Variants in ADTRP observed in about 807,000 individuals in gnomAD.
ADTRP encodes androgen dependent TFPI regulating protein, also known as androgen-dependent TFPI-regulating protein.
ADTRP carries 20 observed loss-of-function variants against 27.0 expected under a neutral mutation model. That is an observed-to-expected ratio of 0.74 (90% CI 0.52 to 1.08). ADTRP has a LOEUF of 1.08. Ranked by LOEUF, ADTRP falls within the 50% of genes least tolerant of loss-of-function variation. The pLI is 0.00. For synonymous variants in ADTRP, 101 were observed against 105.2 expected, an observed-to-expected ratio of 0.96 and a Z score of 0.25; for missense variants, 251 against 275.0, an observed-to-expected ratio of 0.91 and a Z score of 0.62.
rs369155641 is a variant in ADTRP at position 11,764,602 on chromosome 6, T to C, written c.390+1672A>G. Among the ~76,000 whole-genome samples, 5 of 151,678 alleles carry C rather than the reference T, an allele frequency of 3.3e-5. No individual in the cohort carries two copies. In the East Asian group the frequency reaches 5.8e-4, roughly 18 times the overall value. On this transcript the variant is annotated intron_variant, in intron 3 of 5. Coordinates refer to ENST00000414691, the MANE Select transcript of ADTRP (RefSeq NM_032744.4). Reference sequence around the variant, plus strand: ...GCTGTATTGATCAAGCAAAGCGAGGTCCTTTTGATTGCCTGGTGAATTAGG... The same window carrying C: ...GCTGTATTGATCAAGCAAAGCGAGGCCCTTTTGATTGCCTGGTGAATTAGG...
chr6:11,765,368 C>A (rs1240203295), intron 3 of ADTRP, among the ~76,000 whole-genome samples: 1 of 121,416 alleles, frequency 8.2e-6, no homozygotes, highest in African/African-American at 3.0e-5. Context: ...ACTCTTGTTG[C>A]CCAGGCTGAA....
In ADTRP at chr6:11,713,604, G is replaced by T. The variant is rs1227442124; in HGVS notation, c.*874C>A. 1 of 152,206 alleles carries T rather than the reference G, an allele frequency of 6.6e-6. No individual in the cohort carries two copies. Among genetic ancestry groups the T allele is most frequent in the Admixed American group, 6.5e-5 (1 of 15,284 alleles). 9.4% of individuals were successfully genotyped at this position (152,206 alleles called of 1,614,324 possible). The stretch of plus-strand genomic sequence containing the variant: ...ACACACTAATTCAGAAAAGTGCTTT[G>T]TAGCAAAGCAATCTCAACAGCCCTT... On this transcript the variant is annotated 3_prime_UTR_variant, in exon 6 of 6. Coordinates refer to ENST00000414691, the MANE Select transcript of ADTRP (RefSeq NM_032744.4).
At chr6:11,775,572 A>T (rs1763928526) in intron 1 of ADTRP, among the ~76,000 whole-genome samples, 1 of 152,004 alleles carries the variant, frequency 6.6e-6, no homozygotes, top group Admixed American at 6.6e-5. Context: ...TTACTCTCTT[A>T]TTAGGCAGAG....
intron 5 of ADTRP, among the ~76,000 whole-genome samples, chr6:11,719,041 G>T (rs1012370386): frequency 1.3e-5 from 2 of 152,240 alleles, no homozygotes; most frequent in Non-Finnish European, 2.9e-5. Context: ...GGCACAGGAG[G>T]AGGGAGAAAG....
intron 3 of ADTRP, among the ~76,000 whole-genome samples, chr6:11,750,797 GAA>G (rs1259542614): frequency 1.3e-5 from 2 of 152,166 alleles, no homozygotes; most frequent in Non-Finnish European, 2.9e-5. Context: ...ATTTTCCTCT[GAA>G]ATGTACTCTG....
chr6:11,758,260 G>A (rs761188492), intron 3 of ADTRP, among the ~76,000 whole-genome samples: 24 of 152,054 alleles, frequency 1.6e-4, no homozygotes, highest in Middle Eastern at 3.2e-3. Context: ...TAGGCCAAAT[G>A]GTGCCCACTC....
chr6:11,717,306 C>T (rs1761864552), intron 5 of ADTRP: 3 of 1,303,870 alleles, frequency 2.3e-6, no homozygotes, highest in East Asian at 5.5e-5. Flanking sequence ...CCTGATATTT[C>T]ACCTGATATT....
At chr6:11,715,107 CT>C (rs1406665476) in intron 5 of ADTRP, among the ~76,000 whole-genome samples, 1 of 152,178 alleles carries the variant, frequency 6.6e-6, no homozygotes, top group Non-Finnish European at 1.5e-5. Context: ...GATCATAAAT[CT>C]TTGTGTAAGC....
chr6:11,723,037 G>C (rs1350288562), intron 5 of ADTRP, among the ~76,000 whole-genome samples: 1 of 152,130 alleles, frequency 6.6e-6, no homozygotes, highest in Non-Finnish European at 1.5e-5. Flanking sequence ...TTCATGCTAG[G>C]GATGGTAATA....
chr6:11,762,404 A>C (rs972874002), intron 3 of ADTRP, among the ~76,000 whole-genome samples: 7 of 152,238 alleles, frequency 4.6e-5, no homozygotes, highest in Non-Finnish European at 8.8e-5. Context: ...TAGATGTCAA[A>C]ACCCTCAATA....
intron 1 of ADTRP, among the ~76,000 whole-genome samples, chr6:11,768,979 G>A (rs927024205): frequency 1.3e-5 from 2 of 152,062 alleles, no homozygotes; most frequent in Admixed American, 6.6e-5. Context: ...ATCTGGCCGT[G>A]GCAGCAATTT....
At chr6:11,768,811 C>A (rs1432535515) in intron 1 of ADTRP, among the ~76,000 whole-genome samples, 3 of 152,068 alleles carry the variant, frequency 2.0e-5, no homozygotes, top group African/African-American at 4.8e-5. Context: ...ATGCCTAGTG[C>A]TGAAATCTCA....
At chr6:11,765,318 G>GTTTTTTTTT (rs1561771294) in intron 3 of ADTRP, among the ~76,000 whole-genome samples, 1 of 98,772 alleles carries the variant, frequency 1.0e-5, no homozygotes, top group Non-Finnish European at 2.2e-5. Flanking sequence ...CCTTTCCCCT[G>GTTTTTTTTT]GTTTGTTTTT....
intron 3 of ADTRP, chr6:11,754,942 C>A (rs914514279): frequency 7.9e-5 from 64 of 809,916 alleles, no homozygotes; most frequent in Non-Finnish European, 9.4e-5. Flanking sequence ...GTCTTGAGAT[C>A]ATGGGAGTTT....
At chr6:11,737,896 T>G (rs1027989467) in intron 3 of ADTRP, among the ~76,000 whole-genome samples, 20 of 152,290 alleles carry the variant, frequency 1.3e-4, no homozygotes, top group African/African-American at 4.8e-4. Flanking sequence ...TCAGTCTGAT[T>G]TTAGGCTGCA....
intron 3 of ADTRP, among the ~76,000 whole-genome samples, chr6:11,739,940 A>G (rs2113913066): frequency 6.6e-6 from 1 of 152,332 alleles, no homozygotes; most frequent in East Asian, 1.9e-4. Flanking sequence ...GTGAAAAAAA[A>G]TTCAGAGAGC....
At chr6:11,732,736 C>A (rs1018873100) in intron 4 of ADTRP, among the ~76,000 whole-genome samples, 1 of 152,168 alleles carries the variant, frequency 6.6e-6, no homozygotes, top group Non-Finnish European at 1.5e-5. Flanking sequence ...CACCCAGTCA[C>A]GTTCCTGCTG....
intron 3 of ADTRP, among the ~76,000 whole-genome samples, chr6:11,757,463 A>G (rs1423541553): frequency 1.3e-5 from 2 of 152,134 alleles, no homozygotes; most frequent in African/African-American, 4.8e-5. Flanking sequence ...CCTCTTTGAT[A>G]CCTTTGCTCT....
chr6:11,727,708 G>A (rs1394430316), intron 4 of ADTRP, among the ~76,000 whole-genome samples: 1 of 152,148 alleles, frequency 6.6e-6, no homozygotes, highest in Non-Finnish European at 1.5e-5. Context: ...TACTTTCACA[G>A]ATAAAGTGTA....
Sources: gnomAD v4.1 joint callset for allele counts (sites outside exome capture counted in the v4.1 genomes callset) on GRCh38, gnomAD v4.1.1 for gene constraint, MANE v1.5 for transcripts, NCBI Gene and HGNC (gene_info 2026-07-23, HGNC 2026-07-21) for gene names.